Variants in AP4E1 observed in about 807,000 individuals in gnomAD.
AP4E1 encodes the protein adaptor related protein complex 4 subunit epsilon 1.
In AP4E1, 56 loss-of-function variants were observed where a neutral mutation model predicts 128.2. That is an observed-to-expected ratio of 0.44 (90% CI 0.35 to 0.55). The LOEUF is 0.55. AP4E1 is among the 20% of genes least tolerant of loss of function. The probability of loss-of-function intolerance (pLI) is 0.00; values close to 1 mark genes in which losing one functional copy is unlikely to be tolerated. For synonymous variants in AP4E1, 484 were observed against 473.1 expected (o/e 1.02, Z -0.30); for missense variants, 1,324 against 1,307.7 (o/e 1.01, Z -0.19).
rs2065001728 is a variant in AP4E1 at position 51,004,819 on chromosome 15, T to G, written c.*2157T>G. The G allele has an allele frequency of 1.3e-5, 2 of 152,420 alleles. No homozygotes were observed. Among genetic ancestry groups the G allele is most frequent in the Non-Finnish European group, 1.5e-5 (1 of 68,030 alleles). 9.4% of individuals were successfully genotyped at this position (152,420 alleles called of 1,614,324 possible). A position where few individuals can be genotyped will look rare whatever the true frequency, so the allele number is the denominator to read the frequency against. ...ATTCTGTCTAAACTCACTGAATATTTTAAGTTGTAAATCAGGTGTCCACCA... is the reference window on the plus strand; with the variant it reads ...ATTCTGTCTAAACTCACTGAATATTGTAAGTTGTAAATCAGGTGTCCACCA... On this transcript the variant is annotated 3_prime_UTR_variant, in exon 21 of 21. Transcript: ENST00000261842.
intron 19 of AP4E1, 119 bp downstream of exon 19, chr15:50,999,381 A>C: frequency 4.0e-6 from 3 of 744,728 alleles, no homozygotes; most frequent in Non-Finnish European, 6.6e-6. Flanking sequence ...AAAACTACGC[A>C]CAGTTCCTAC....
At chr15:50,935,430 G>T (rs1254701656) in intron 8 of AP4E1, among the ~76,000 whole-genome samples, 3 of 150,154 alleles carry the variant, frequency 2.0e-5, no homozygotes, top group African/African-American at 7.6e-5. Flanking sequence ...TTGAGGGAAG[G>T]GGGTAGAAAA....
intron 15 of AP4E1, among the ~76,000 whole-genome samples, chr15:50,983,759 T>A (rs975220138): frequency 1.3e-5 from 2 of 152,164 alleles, no homozygotes; most frequent in African/African-American, 4.8e-5. Context: ...AGTTTTTTTT[T>A]AGCTTCCAAG....
intron 17 of AP4E1, among the ~76,000 whole-genome samples, chr15:50,996,779 A>G (rs895843573): frequency 6.6e-6 from 1 of 152,204 alleles, no homozygotes; most frequent in African/African-American, 2.4e-5. Flanking sequence ...AAACATCACT[A>G]GTCAGTTATT....
intron 16 of AP4E1, 78 bp from the exon 17 acceptor site, chr15:50,993,292 T>A: frequency 6.7e-7 from 1 of 1,482,990 alleles, no homozygotes; most frequent in Non-Finnish European, 9.4e-7. Flanking sequence ...GGCATTGATA[T>A]GTTTTGAAAG....
At chr15:50,954,938 G>A (rs940338027) in intron 13 of AP4E1, among the ~76,000 whole-genome samples, 25 of 152,236 alleles carry the variant, frequency 1.6e-4, no homozygotes, top group African/African-American at 6.0e-4. Flanking sequence ...GTGAGAACAT[G>A]CGGTGTTTGG....
At chr15:50,960,040 A>G (rs143763860) in intron 14 of AP4E1, among the ~76,000 whole-genome samples, 152 of 152,330 alleles carry the variant, frequency 1.0e-3, no homozygotes, top group African/African-American at 3.3e-3. Flanking sequence ...ATGTTATTAT[A>G]TAATGATGAA....
intron 18 of AP4E1, 106 bp from the exon 19 acceptor site, chr15:50,998,966 T>C: frequency 9.5e-7 from 1 of 1,049,040 alleles, no homozygotes; most frequent in Admixed American, 1.9e-5. Flanking sequence ...TAACTTCCCA[T>C]ATTAGTATGA....
chr15:50,984,145 A>C lies in AP4E1; in HGVS notation c.2090A>C (p.Glu697Ala). The change falls in exon 16 of 21, where the codon GAG (glutamate) becomes GCG (alanine). Residue 697 changes from glutamate to alanine, a missense_variant and splice_region_variant. Transcript: ENST00000261842. ...SGNSAETGLK[E>A]TNSLKLEGIK... ...AATAGTGCTGAGACAGGACTGAAAG[A>C]GTAAGTTCATTTCTTATTAAAATTG... 1 of 1,613,006 alleles carries C rather than the reference A, an allele frequency of 6.2e-7. No homozygotes were observed. Among genetic ancestry groups the C allele is most frequent in the Non-Finnish European group, 8.5e-7 (1 of 1,179,256 alleles).
In AP4E1 at chr15:50,984,202, G is replaced by A. The variant is rs200070389; in HGVS notation, c.2090+57G>A. The A allele has an allele frequency of 3.4e-4, 544 of 1,594,328 alleles. 6 individuals are homozygous for A. In the South Asian group the frequency reaches 4.4e-3, roughly 13 times the overall value. Reference sequence around the variant, plus strand: ...TGGGAGTGCTTAAATGTCTTTTAGCGTTCCATTTGCCTTCTGCTCCTGCCT... The same window carrying A: ...TGGGAGTGCTTAAATGTCTTTTAGCATTCCATTTGCCTTCTGCTCCTGCCT... On this transcript the variant is annotated intron_variant, in intron 16 of 20. Coordinates refer to ENST00000261842, the MANE Select transcript of AP4E1 (RefSeq NM_007347.5).
chr15:50,991,507 A>G (rs2064806274), intron 16 of AP4E1, among the ~76,000 whole-genome samples: 1 of 152,162 alleles, frequency 6.6e-6, no homozygotes, highest in South Asian at 2.1e-4. Flanking sequence ...GCTTATGGCA[A>G]GTACAACCAA....
intron 16 of AP4E1, among the ~76,000 whole-genome samples, chr15:50,988,893 G>A (rs918080187): frequency 2.0e-5 from 3 of 152,148 alleles, no homozygotes; most frequent in African/African-American, 2.4e-5. Flanking sequence ...TTGCTAAAAT[G>A]TCTTATTTGG....
At chr15:50,977,638 TA>T (rs1481178805) in intron 15 of AP4E1, among the ~76,000 whole-genome samples, 16 of 150,606 alleles carry the variant, frequency 1.1e-4, no homozygotes, top group Non-Finnish European at 1.8e-4. Context: ...AAATAAAGAG[TA>T]GGGGGAAATA....
At chr15:50,933,585 C>T (rs1236760237) in intron 7 of AP4E1, among the ~76,000 whole-genome samples, 1 of 151,712 alleles carries the variant, frequency 6.6e-6, no homozygotes, top group East Asian at 1.9e-4. Context: ...TTTTGGGGGG[C>T]AGGGAAGGAT....
chr15:50,908,605 C>A, upstream of AP4E1: 1 of 849,680 alleles, frequency 1.2e-6, no homozygotes, highest in Non-Finnish European at 1.6e-6. Flanking sequence ...CTTGCGCCCT[C>A]TGGTGGCCTC....
rs1555459128 is a variant in AP4E1, at chr15:50,964,955, C to CCCCACACACACACACACACACACACACA, written c.1852-3307_1852-3306insCCACACACACACACACACACACACACAC. ...TTGTAAAGTATAACACCTCCCCCTA[C>CCCCACACACACACACACACACACACACA]CACACACACACACACACACACACAC... On this transcript the variant is annotated intron_variant, in intron 14 of 20. Transcript: ENST00000261842. 8.4e-3 allele frequency among the ~76,000 whole-genome samples: 1,106 copies of CCCCACACACACACACACACACACACACA among 131,414 alleles called. 10 individuals carry two copies. Among genetic ancestry groups the CCCCACACACACACACACACACACACACA allele is most frequent in the African/African-American group, 0.013 (421 of 33,180 alleles). The allele number at this position is 131,414 out of a possible 152,430, so 86.2% of individuals were successfully genotyped here. A position where few individuals can be genotyped will look rare whatever the true frequency, so the allele number is the denominator to read the frequency against.
chr15:50,960,600 C>T (rs2064299013), intron 14 of AP4E1, among the ~76,000 whole-genome samples: 1 of 151,946 alleles, frequency 6.6e-6, no homozygotes, highest in African/African-American at 2.4e-5. Flanking sequence ...TCAGACACAA[C>T]TTACCAAAAC....
At chr15:50,950,419 T>C (rs1330782962) in intron 13 of AP4E1, among the ~76,000 whole-genome samples, 1 of 152,180 alleles carries the variant, frequency 6.6e-6, no homozygotes, top group African/African-American at 2.4e-5. Context: ...GTGTTTTTTA[T>C]GTGCATCCGT....
intron 13 of AP4E1, among the ~76,000 whole-genome samples, chr15:50,955,465 G>A (rs1292478841): frequency 6.6e-6 from 1 of 152,096 alleles, no homozygotes; most frequent in Non-Finnish European, 1.5e-5. Flanking sequence ...TGGGTGTTGT[G>A]TTCTATAAAG....
Sources: gnomAD v4.1 joint callset for allele counts (sites outside exome capture counted in the v4.1 genomes callset) on GRCh38, gnomAD v4.1.1 for gene constraint, MANE v1.5 for transcripts, NCBI Gene and HGNC (gene_info 2026-07-23, HGNC 2026-07-21) for gene names.